Variants in MAPK8IP3 observed in about 807,000 individuals in gnomAD.
The protein encoded by MAPK8IP3 is C-Jun-amino-terminal kinase-interacting protein 3.
In MAPK8IP3, 49 loss-of-function variants were observed where a neutral mutation model predicts 157.8. The observed-to-expected ratio is 0.31, with a 90% confidence interval of 0.25 to 0.39. The LOEUF is 0.39. Ranked by LOEUF, MAPK8IP3 falls within the 10% of genes least tolerant of loss-of-function variation. MAPK8IP3 has a pLI of 1.00. For synonymous variants in MAPK8IP3, 897 were observed against 777.7 expected (o/e 1.15, Z -2.55); for missense variants, 1,478 against 1,889.4 (o/e 0.78, Z 4.04).
chr16:1,741,416 C>A lies in MAPK8IP3; in HGVS notation c.603-1916C>A, dbSNP rs1202926339. Among the ~76,000 whole-genome samples, 1 of 152,110 alleles carries A rather than the reference C, an allele frequency of 6.6e-6. No homozygotes were observed. The highest frequency in any genetic ancestry group is 1.5e-5 in the Non-Finnish European group (1 of 68,002). On this transcript the variant is annotated intron_variant, in intron 4 of 31. Coordinates refer to ENST00000610761, the MANE Select transcript of MAPK8IP3 (RefSeq NM_001318852.2). The surrounding 1 kb of genome is among the most constrained non-coding windows in gnomAD (Gnocchi z 6.9). ...GTGGCCTGGCTGAGCCGTGGCCCAG[C>A]ATGGAGCTGTGTGGGTGGGAGAGCC...
intron 4 of MAPK8IP3, among the ~76,000 whole-genome samples, chr16:1,739,565 T>C (rs1190453859): frequency 7.7e-6 from 1 of 129,512 alleles, no homozygotes; most frequent in African/African-American, 3.0e-5. Flanking sequence ...TGTGTGACCG[T>C]TCGTGTGTGT....
chr16:1,739,824 A>AACCG (rs2040522124), intron 4 of MAPK8IP3, among the ~76,000 whole-genome samples: 1 of 52,380 alleles, frequency 1.9e-5, no homozygotes, highest in African/African-American at 7.6e-5. Context: ...GCGTGTGAGC[A>AACCG]TCCGTGTGAC....
chr16:1,762,376 G>T lies in MAPK8IP3; in HGVS notation c.1565G>T (p.Arg522Leu). ...GACAAAATCCCCATGGCCCAGCGCCGCCGCTTCACGCGGGTGGAGATGGCC... is the reference window on the plus strand; with the variant it reads ...GACAAAATCCCCATGGCCCAGCGCCTCCGCTTCACGCGGGTGGAGATGGCC... ...ESDKIPMAQR[R>L]RFTRVEMARV... Residue 522 changes from arginine to leucine, a missense_variant, in exon 14 of 32, where the codon CGC becomes CTC. Around this residue, in one of 11 missense-constraint regions of MAPK8IP3, gnomAD observed 96 missense variants for 106.3 expected, o/e 0.90. Transcript: ENST00000610761. The T allele has an allele frequency of 6.3e-7, 1 of 1,584,812 alleles. No individual in the cohort carries two copies.
chr16:1,729,265 C>T lies in MAPK8IP3; in HGVS notation c.510+57C>T, dbSNP rs767012587. 46 of 1,567,232 alleles carry T rather than the reference C, an allele frequency of 2.9e-5. 1 individual carries two copies. Among genetic ancestry groups the T allele is most frequent in the African/African-American group, 4.1e-5 (3 of 74,022 alleles). On this transcript the variant is annotated intron_variant, in intron 3 of 31. Coordinates refer to ENST00000610761, the MANE Select transcript of MAPK8IP3 (RefSeq NM_001318852.2). ...GGTTGGAGACAGGGCCGCGGCCTGA[C>T]GCCTGCGACTCTTGCGGACCGTGGT...
intron 22 of MAPK8IP3, 59 bp downstream of exon 22, chr16:1,766,468 C>T (rs1014374867): frequency 5.6e-6 from 9 of 1,602,146 alleles, no homozygotes; most frequent in East Asian, 2.2e-5. Context: ...GGAAGGGCCT[C>T]GGGGTCTTGG....
At position 1,768,699 on chromosome 16, in the gene MAPK8IP3, G is replaced by T. The variant is rs376365160; in HGVS notation, c.3893-4G>T. The stretch of plus-strand genomic sequence containing the variant: ...TGGCCGTCACTCTGCTGCTTTGCCC[G>T]CAGGAGACGGAGAGGACGACGAGAC... On this transcript the variant is annotated splice_polypyrimidine_tract_variant and splice_region_variant and intron_variant, in intron 31 of 31. Coordinates refer to ENST00000610761, the MANE Select transcript of MAPK8IP3 (RefSeq NM_001318852.2). The T allele has an allele frequency of 5.6e-6, 9 of 1,611,862 alleles. No homozygotes were observed. Among genetic ancestry groups the T allele is most frequent in the East Asian group, 2.2e-5 (1 of 44,842 alleles).
chr16:1,743,318 G>GC lies in MAPK8IP3; in HGVS notation c.603-8dup, dbSNP rs755510633. 4 of 1,540,220 alleles carry GC rather than the reference G, an allele frequency of 2.6e-6. No homozygotes were observed. The highest frequency in any genetic ancestry group is 1.3e-5 in the South Asian group (1 of 79,828). On this transcript the variant is annotated splice_polypyrimidine_tract_variant and intron_variant, in intron 4 of 31. Coordinates refer to ENST00000610761, the MANE Select transcript of MAPK8IP3 (RefSeq NM_001318852.2). The surrounding 1 kb of genome is among the most constrained non-coding windows in gnomAD (Gnocchi z 5.6). Reference sequence around the variant, plus strand: ...TCTAACCATCGCTTCCTCTCCTCTCGCCCCCCATTTCAGCAGGAAGGAGCG... The same window carrying GC: ...TCTAACCATCGCTTCCTCTCCTCTCGCCCCCCCATTTCAGCAGGAAGGAGCG...
At chr16:1,746,787 T>C in intron 5 of MAPK8IP3, 3 of 552,788 alleles carry the variant, frequency 5.4e-6, no homozygotes, top group Non-Finnish European at 9.6e-6. Flanking sequence ...TTCCAAGCCA[T>C]TTCAGGAGGG....
Position 1,706,318 on chromosome 16 carries a change from G to C in MAPK8IP3, c.-22G>C, listed in dbSNP as rs1443343183. On this transcript the variant is annotated 5_prime_UTR_variant, in exon 1 of 32. Coordinates refer to ENST00000610761, the MANE Select transcript of MAPK8IP3 (RefSeq NM_001318852.2). This position sits in a 1 kb window ranked among gnomAD's most constrained non-coding sequence, Gnocchi z 5.1. ...GCGCGCCGGCCGGATAGCGAGCCGCGCTGGCGGCGGCGGTGGCCGCGATGA... is the reference window on the plus strand; with the variant it reads ...GCGCGCCGGCCGGATAGCGAGCCGCCCTGGCGGCGGCGGTGGCCGCGATGA... 6.5e-7 allele frequency: 1 copy of C among 1,531,516 alleles called. No individual in the cohort carries two copies. Among genetic ancestry groups the C allele is most frequent in the African/African-American group, 1.4e-5 (1 of 72,330 alleles). The allele number at this position is 1,531,516 out of a possible 1,614,324, so 94.9% of individuals were successfully genotyped here.
intron 4 of MAPK8IP3, among the ~76,000 whole-genome samples, chr16:1,739,305 C>T (rs1567172370): frequency 3.3e-5 from 4 of 121,740 alleles, no homozygotes; most frequent in Non-Finnish European, 1.6e-5. Flanking sequence ...TGTGACCGTC[C>T]GTGTGAGTGT....
intron 19 of MAPK8IP3, 34 bp from the exon 20 acceptor site, chr16:1,764,979 C>T (rs375186228): frequency 1.7e-4 from 275 of 1,580,734 alleles, no homozygotes; most frequent in Non-Finnish European, 1.7e-4. Flanking sequence ...GCCTCAAGCT[C>T]GGGCTCTGAC....
rs200111591 is a variant in MAPK8IP3 at position 1,765,985 on chromosome 16, C to T, written c.2472C>T (p.Pro824=). The T allele has an allele frequency of 3.3e-4, 529 of 1,612,508 alleles. No homozygotes were observed. Among genetic ancestry groups the T allele is most frequent in the East Asian group, 1.2e-3 (53 of 44,872 alleles). ...CGGCCAGCGACAGCGACTACCCTCC[C>T]GGGGAGATGTTCCTGGACAGCGACG... The part of the protein sequence containing the change: ...IPAASDSDYP[P]GEMFLDSDVN... Residue 824 remains proline, a synonymous_variant, in exon 21 of 32, where the codon CCC becomes CCT. Coordinates refer to ENST00000610761, the MANE Select transcript of MAPK8IP3 (RefSeq NM_001318852.2).
Position 1,765,146 on chromosome 16 carries a change from ACG to A in MAPK8IP3, c.2418_2419del (p.His807ArgfsTer120). ...GTGGTGGACCAGTTCACCGTCTGCA[ACG>A]CGCACGTGCTGTGCATCTCCAGCAT... On this transcript the variant is annotated frameshift_variant, in exon 20 of 32. Transcript: ENST00000610761. LOFTEE classifies it high-confidence loss of function. 6.2e-7 allele frequency: 1 copy of A among 1,610,672 alleles called. No individual in the cohort carries two copies.
intron 18 of MAPK8IP3, 36 bp from the exon 19 acceptor site, chr16:1,764,265 T>C: frequency 6.3e-7 from 1 of 1,592,690 alleles, no homozygotes; most frequent in South Asian, 1.1e-5. Flanking sequence ...GGCTGGGGAG[T>C]GCCGGTGACA....
chr16:1,762,639 G>A (rs778022723), intron 14 of MAPK8IP3, 36 bp from the exon 15 acceptor site: 2 of 1,541,938 alleles, frequency 1.3e-6, no homozygotes, highest in Non-Finnish European at 1.8e-6. Context: ...AGGCGTGAGG[G>A]CACTAGCAGG....
intron 8 of MAPK8IP3, chr16:1,752,094 T>A (rs550802704): frequency 6.6e-6 from 1 of 152,652 alleles, no homozygotes; most frequent in African/African-American, 2.4e-5. Flanking sequence ...CCGCCCATCC[T>A]GTTGGCTGTG....
intron 5 of MAPK8IP3, chr16:1,744,197 C>G: frequency 1.0e-6 from 1 of 985,598 alleles, no homozygotes; most frequent in Non-Finnish European, 1.2e-6. Flanking sequence ...CAGGTAAGGA[C>G]AGCCACCTTC....
chr16:1,757,792 C>T (rs912050563), intron 8 of MAPK8IP3, among the ~76,000 whole-genome samples: 1 of 152,180 alleles, frequency 6.6e-6, no homozygotes. Flanking sequence ...GGGTACCTGC[C>T]ACACCCTGCC....
At chr16:1,711,048 C>T (rs928027657) in intron 1 of MAPK8IP3, among the ~76,000 whole-genome samples, 9 of 152,240 alleles carry the variant, frequency 5.9e-5, no homozygotes, top group African/African-American at 9.6e-5. Flanking sequence ...CCCCGGGCCA[C>T]GCTGGCAGCA....
Sources: allele counts gnomAD v4.1 joint callset (sites outside exome capture counted in the v4.1 genomes callset), GRCh38; gene constraint gnomAD v4.1.1; regional missense constraint gnomAD v4.1.1; non-coding constraint Gnocchi (gnomAD v3.1); transcripts MANE v1.5; gene names NCBI Gene and HGNC (gene_info 2026-07-23, HGNC 2026-07-21).